The following AP1M1 variants were observed in gnomAD, a reference collection of about 807,000 sequenced individuals.
The protein encoded by AP1M1 is adaptor related protein complex 1 subunit mu 1.
Under a neutral mutation model 57.1 loss-of-function variants are expected in AP1M1, and 18 were observed. The ratio of observed to expected loss-of-function variants is 0.32; its 90% CI spans 0.22 to 0.47. The LOEUF is 0.47. AP1M1 is among the 20% of genes least tolerant of loss of function. AP1M1 has a pLI of 1.00. For missense variants in AP1M1, 362 were observed against 593.5 expected (o/e 0.61, Z 4.05); for synonymous variants, 241 against 237.9 (o/e 1.01, Z -0.12).
At chr19:16,213,088 G>A (rs939354533) in intron 5 of AP1M1, among the ~76,000 whole-genome samples, 3 of 152,154 alleles carry the variant, frequency 2.0e-5, no homozygotes, top group African/African-American at 4.8e-5. Flanking sequence ...GGAGAGTTCT[G>A]TAGATATCTA....
At chr19:16,205,419 G>A (rs1351763519) in intron 2 of AP1M1, among the ~76,000 whole-genome samples, 1 of 152,194 alleles carries the variant, frequency 6.6e-6, no homozygotes, top group Non-Finnish European at 1.5e-5. Context: ...TAAAGCATCT[G>A]GGGAGGGCAC....
At position 16,203,710 on chromosome 19, in the gene AP1M1, C is replaced by T; in HGVS notation, c.199+95C>T. The stretch of plus-strand genomic sequence containing the variant: ...CCTGCAAGCAGGGCTGGTTTGTGCA[C>T]AGCGCAAGCATTGGACACAGCCATG... On this transcript the variant is annotated intron_variant, in intron 2 of 11. Transcript: ENST00000291439. This position sits in a 1 kb window ranked among gnomAD's most constrained non-coding sequence, Gnocchi z 4.6. 1.5e-6 allele frequency: 2 copies of T among 1,365,600 alleles called. No homozygotes were observed. Among genetic ancestry groups the T allele is most frequent in the Middle Eastern group, 1.9e-4 (1 of 5,146 alleles). The allele number at this position is 1,365,600 out of a possible 1,614,324, so 84.6% of individuals were successfully genotyped here.
In AP1M1 at chr19:16,224,688, C is replaced by T. The variant is rs183040460; in HGVS notation, c.547-1733C>T. Among the ~76,000 whole-genome samples the T allele has an allele frequency of 4.0e-3, 609 of 152,342 alleles. 4 individuals are homozygous for T. Among genetic ancestry groups the T allele is most frequent in the African/African-American group, 0.014 (586 of 41,588 alleles). ...CCTGGGCCTGCTCTCGCGGCATTCA[C>T]GACCTCATGTGTTCAGTTACAGCTG... On this transcript the variant is annotated intron_variant, in intron 5 of 11. Transcript: ENST00000291439.
chr19:16,221,956 G>A (rs930367922), intron 5 of AP1M1, among the ~76,000 whole-genome samples: 2 of 152,152 alleles, frequency 1.3e-5, no homozygotes, highest in South Asian at 4.1e-4. Context: ...AAAGTGCTGG[G>A]ATTACAGGCA....
At chr19:16,200,672 C>T (rs536102660) in intron 1 of AP1M1, among the ~76,000 whole-genome samples, 4 of 152,316 alleles carry the variant, frequency 2.6e-5, no homozygotes, top group South Asian at 4.1e-4. Context: ...AGGACACCAG[C>T]GTGGCCACAC....
chr19:16,199,058 T>G (rs956574261), intron 1 of AP1M1, among the ~76,000 whole-genome samples: 5 of 152,188 alleles, frequency 3.3e-5, no homozygotes, highest in African/African-American at 1.2e-4. Context: ...TCCACCTGTC[T>G]TAGCCTCCCA....
intron 5 of AP1M1, among the ~76,000 whole-genome samples, chr19:16,210,038 C>T (rs1249510170): frequency 6.6e-6 from 1 of 152,166 alleles, no homozygotes; most frequent in Non-Finnish European, 1.5e-5. Context: ...CTGGAGTCTT[C>T]ATCGTGTTGT....
At chr19:16,220,938 T>C (rs1200017489) in intron 5 of AP1M1, among the ~76,000 whole-genome samples, 1 of 152,206 alleles carries the variant, frequency 6.6e-6, no homozygotes, top group Non-Finnish European at 1.5e-5. Flanking sequence ...ATAGGTGATG[T>C]ATTATTGTCC....
rs756672040 is a variant in AP1M1, at chr19:16,226,585, G to C, written c.673+38G>C. The C allele has an allele frequency of 1.9e-6, 3 of 1,549,610 alleles. No individual in the cohort carries two copies. The East Asian group carries it at 7.0e-5, about 36-fold the overall frequency. On this transcript the variant is annotated intron_variant, in intron 6 of 11. Transcript: ENST00000291439. ...GCCAAGGGCCCTGCCCATGAGGATGGCCTCACCAGGCACACACATTACAGC... is the reference window on the plus strand; with the variant it reads ...GCCAAGGGCCCTGCCCATGAGGATGCCCTCACCAGGCACACACATTACAGC...
At chr19:16,198,118 TC>T in intron 1 of AP1M1, 50 bp downstream of exon 1, 2 of 1,587,230 alleles carry the variant, frequency 1.3e-6, no homozygotes, top group Non-Finnish European at 1.7e-6. Context: ...GGCAGGGGCC[TC>T]CGCCCGCGGG....
At chr19:16,232,129 G>A (rs376261344) in intron 9 of AP1M1, among the ~76,000 whole-genome samples, 18 of 152,334 alleles carry the variant, frequency 1.2e-4, no homozygotes, top group African/African-American at 4.1e-4. Context: ...CTTATGGGAC[G>A]GCAGCCTCTA....
In AP1M1 at chr19:16,237,055, G is replaced by T. The variant is rs1416650966; in HGVS notation, c.*2620G>T. The T allele has an allele frequency of 2.6e-5, 4 of 152,242 alleles. No homozygotes were observed. The highest frequency in any genetic ancestry group is 5.9e-5 in the Non-Finnish European group (4 of 68,052). The allele number at this position is 152,242 out of a possible 1,614,324, so 9.4% of individuals were successfully genotyped here. On this transcript the variant is annotated 3_prime_UTR_variant, in exon 12 of 12. Transcript: ENST00000291439. ...AACAAGGCAAATAATTTGCATGCGGGTTATAACGTCTACAAATCAGAAAAA... is the reference window on the plus strand; with the variant it reads ...AACAAGGCAAATAATTTGCATGCGGTTTATAACGTCTACAAATCAGAAAAA...
At chr19:16,226,182 G>A (rs2091570482) in intron 5 of AP1M1, among the ~76,000 whole-genome samples, 2 of 152,150 alleles carry the variant, frequency 1.3e-5, no homozygotes, top group Non-Finnish European at 2.9e-5. Context: ...ACAGGGCCTC[G>A]GCATGAAGGC....
rs2091624838 is a variant in AP1M1, at chr19:16,236,366, C to T, written c.*1931C>T. ...AATGCAGGAAATGAAGCAGACGCAC[C>T]TAGCCGTGCCCATAAAAAAGCAAGG... On this transcript the variant is annotated 3_prime_UTR_variant, in exon 12 of 12. Transcript: ENST00000291439. 6.6e-6 allele frequency: 1 copy of T among 152,250 alleles called. No homozygotes were observed. The allele number at this position is 152,250 out of a possible 1,614,324, so 9.4% of individuals were successfully genotyped here.
chr19:16,234,527 C>CAT lies in AP1M1; in HGVS notation c.*92_*93insAT. The CAT allele has an allele frequency of 6.5e-7, 1 of 1,541,902 alleles. No homozygotes were observed. Among genetic ancestry groups the CAT allele is most frequent in the Non-Finnish European group, 8.9e-7 (1 of 1,128,198 alleles). Reference sequence around the variant, plus strand: ...AAACCCACCAGATGGAGGGGCCCTCCCTGGTCTCTGGCCACCCTCCCAGCC... The same window carrying CAT: ...AAACCCACCAGATGGAGGGGCCCTCCATCTGGTCTCTGGCCACCCTCCCAGCC... On this transcript the variant is annotated 3_prime_UTR_variant, in exon 12 of 12. Coordinates refer to ENST00000291439, the MANE Select transcript of AP1M1 (RefSeq NM_032493.4).
In AP1M1 at chr19:16,239,938, A is replaced by ACATCCATGGGTTCTG. The variant is rs1443979112; in HGVS notation, c.*5513_*5527dup. 5 of 152,336 alleles carry ACATCCATGGGTTCTG rather than the reference A, an allele frequency of 3.3e-5. No homozygotes were observed. In the East Asian group the frequency reaches 9.6e-4, roughly 29 times the overall value. 9.4% of individuals were successfully genotyped at this position (152,336 alleles called of 1,614,324 possible). A position where few individuals can be genotyped will look rare whatever the true frequency, so the allele number is the denominator to read the frequency against. On this transcript the variant is annotated 3_prime_UTR_variant, in exon 12 of 12. Transcript: ENST00000291439. ...TATATATATTTACAGTCAACCCTCC[A>ACATCCATGGGTTCTG]CATCCATGGGTTCTGCATCCATGGA... is the stretch of plus-strand genomic sequence containing the variant.
chr19:16,240,862 A>G lies in AP1M1; in HGVS notation c.*6427A>G, dbSNP rs1016814237. The G allele has an allele frequency of 3.3e-5, 5 of 152,244 alleles. No individual in the cohort carries two copies. Among genetic ancestry groups the G allele is most frequent in the African/African-American group, 9.6e-5 (4 of 41,466 alleles). 9.4% of individuals were successfully genotyped at this position (152,244 alleles called of 1,614,324 possible). A position where few individuals can be genotyped will look rare whatever the true frequency, so the allele number is the denominator to read the frequency against. On this transcript the variant is annotated 3_prime_UTR_variant, in exon 12 of 12. Transcript: ENST00000291439. ...TCGAACCACAGAACATATCAGACTC[A>G]GGGAAGATCCTAACAGCAACACTAA...
At position 16,227,770 on chromosome 19, in the gene AP1M1, G is replaced by T; in HGVS notation, c.816+80G>T. On this transcript the variant is annotated intron_variant, in intron 7 of 11. Transcript: ENST00000291439. This position sits in a 1 kb window ranked among gnomAD's most constrained non-coding sequence, Gnocchi z 6.2. ...TCCAGGAGGTGAAGCCCAGGCAGGCGCCAGGGCCAGCCCCACCCCACGCTC... is the reference window on the plus strand; with the variant it reads ...TCCAGGAGGTGAAGCCCAGGCAGGCTCCAGGGCCAGCCCCACCCCACGCTC... The T allele has an allele frequency of 6.6e-7, 1 of 1,520,816 alleles. No homozygotes were observed. Among genetic ancestry groups the T allele is most frequent in the Non-Finnish European group, 9.0e-7 (1 of 1,116,162 alleles). The allele number at this position is 1,520,816 out of a possible 1,614,324, so 94.2% of individuals were successfully genotyped here.
intron 1 of AP1M1, among the ~76,000 whole-genome samples, chr19:16,199,040 T>G (rs2091436738): frequency 6.6e-6 from 1 of 152,142 alleles, no homozygotes; most frequent in African/African-American, 2.4e-5. Flanking sequence ...ACTCTTGACC[T>G]CGAGTGATCC....
Sources: allele counts gnomAD v4.1 joint callset (sites outside exome capture counted in the v4.1 genomes callset), GRCh38; gene constraint gnomAD v4.1.1; non-coding constraint Gnocchi (gnomAD v3.1); transcripts MANE v1.5; gene names NCBI Gene and HGNC (gene_info 2026-07-23, HGNC 2026-07-21).